Variants in NUSAP1 observed in about 807,000 individuals in gnomAD.
The protein encoded by NUSAP1 is nucleolar and spindle-associated protein 1.
NUSAP1 carries 32 observed loss-of-function variants against 52.8 expected under a neutral mutation model. That is an observed-to-expected ratio of 0.61 (90% CI 0.46 to 0.81). The LOEUF is 0.81. Ranked by LOEUF, NUSAP1 falls within the 40% of genes least tolerant of loss-of-function variation. The probability of loss-of-function intolerance (pLI) is 0.00; values close to 1 mark genes in which losing one functional copy is unlikely to be tolerated. For synonymous variants in NUSAP1, 195 were observed against 183.1 expected, an observed-to-expected ratio of 1.06 and a Z score of -0.52; for missense variants, 499 against 522.3, an observed-to-expected ratio of 0.96 and a Z score of 0.43.
At chr15:41,372,186 A>T (rs1467336274) in intron 8 of NUSAP1, among the ~76,000 whole-genome samples, 2 of 152,180 alleles carry the variant, frequency 1.3e-5, no homozygotes, top group Non-Finnish European at 2.9e-5. Context: ...AAAACCAGAT[A>T]TCTGCCTGAG....
At chr15:41,342,133 A>G (rs1197714622) in intron 1 of NUSAP1, among the ~76,000 whole-genome samples, 1 of 152,094 alleles carries the variant, frequency 6.6e-6, no homozygotes, top group Non-Finnish European at 1.5e-5. Flanking sequence ...ATGCCTACCT[A>G]TGTTCTCATG....
At chr15:41,364,648 A>G (rs966666013) in intron 6 of NUSAP1, among the ~76,000 whole-genome samples, 4 of 151,872 alleles carry the variant, frequency 2.6e-5, no homozygotes, top group African/African-American at 9.7e-5. Flanking sequence ...CAGGCAGATC[A>G]CTTGAGGTCA....
At chr15:41,377,343 T>C (rs1480898862) in intron 10 of NUSAP1, 39 bp downstream of exon 10, 8 of 1,151,164 alleles carry the variant, frequency 6.9e-6, no homozygotes, top group Non-Finnish European at 9.9e-6. Flanking sequence ...TTATTTTAAT[T>C]TCAAAAGCAG....
chr15:41,380,576 G>C lies in NUSAP1; in HGVS notation c.*390G>C, dbSNP rs1173804795. 6.0e-6 allele frequency: 1 copy of C among 168,062 alleles called. No homozygotes were observed. The highest frequency in any genetic ancestry group is 1.3e-5 in the Non-Finnish European group (1 of 78,214). 10.4% of individuals were successfully genotyped at this position (168,062 alleles called of 1,614,324 possible). ...AGTTATGCAAGCTTCAGGAGAATTT[G>C]AACAATAACAAGAATAGGGTAAGCT... is the stretch of plus-strand genomic sequence containing the variant. On this transcript the variant is annotated 3_prime_UTR_variant, in exon 11 of 11. Coordinates refer to ENST00000559596, the MANE Select transcript of NUSAP1 (RefSeq NM_016359.5).
rs190714260 is a variant in NUSAP1, at chr15:41,354,400, G to A, written c.449-1639G>A. Among the ~76,000 whole-genome samples the A allele has an allele frequency of 1.8e-3, 274 of 152,164 alleles. 2 individuals are homozygous for A. Among genetic ancestry groups the A allele is most frequent in the Middle Eastern group, 0.017 (5 of 294 alleles). ...CACACTTGTAATCCCAGCTACTTAG[G>A]AGGCTGAGACAGGAGAATCTCTTGA... On this transcript the variant is annotated intron_variant, in intron 4 of 10. Transcript: ENST00000559596.
At chr15:41,380,018 A>C in intron 10 of NUSAP1, 75 bp from the exon 11 acceptor site, 5 of 1,029,998 alleles carry the variant, frequency 4.9e-6, no homozygotes, top group Non-Finnish European at 5.8e-6. Context: ...TTTGGGTGTT[A>C]GTCCAACAAT....
intron 6 of NUSAP1, among the ~76,000 whole-genome samples, chr15:41,363,179 C>T (rs1387856750): frequency 1.3e-5 from 2 of 151,088 alleles, no homozygotes; most frequent in Non-Finnish European, 2.9e-5. Context: ...CCCAGCTGCT[C>T]TGGGTGCTGA....
intron 3 of NUSAP1, 37 bp from the exon 4 acceptor site, chr15:41,350,951 A>G: frequency 6.5e-7 from 1 of 1,549,432 alleles, no homozygotes; most frequent in Non-Finnish European, 8.8e-7. Flanking sequence ...ATTCTTATTT[A>G]TCATCGAAAT....
intron 1 of NUSAP1, among the ~76,000 whole-genome samples, chr15:41,339,515 A>T (rs2048300355): frequency 6.6e-6 from 1 of 151,826 alleles, no homozygotes; most frequent in Non-Finnish European, 1.5e-5. Context: ...GATTCAAGCA[A>T]TTCTCTTGCC....
intron 8 of NUSAP1, 21 bp from the exon 9 acceptor site, chr15:41,375,691 G>T (rs1490940334): frequency 6.8e-7 from 1 of 1,478,184 alleles, no homozygotes; most frequent in Non-Finnish European, 9.5e-7. Context: ...AAGCTCTTGG[G>T]TTTTTTCGGT....
chr15:41,348,801 G>T (rs927380670), intron 2 of NUSAP1, among the ~76,000 whole-genome samples: 22 of 151,788 alleles, frequency 1.4e-4, no homozygotes, highest in African/African-American at 5.1e-4. Context: ...ACCATGCCCG[G>T]GTAATTTTCT....
In NUSAP1 at chr15:41,359,545, A is replaced by C. The variant is rs377227368; in HGVS notation, c.660+1287A>C. Among the ~76,000 whole-genome samples, 6 of 152,164 alleles carry C rather than the reference A, an allele frequency of 3.9e-5. No homozygotes were observed. The East Asian group carries it at 5.8e-4, about 15-fold the overall frequency. On this transcript the variant is annotated intron_variant, in intron 6 of 10. Transcript: ENST00000559596. ...TAAATTGTAAATAATTTAAGTACTT[A>C]AGCTTCTTGGTGAGAAGCTTAATTG...
At position 41,380,392 on chromosome 15, in the gene NUSAP1, T is replaced by G. The variant is rs896337844; in HGVS notation, c.*206T>G. On this transcript the variant is annotated 3_prime_UTR_variant, in exon 11 of 11. Transcript: ENST00000559596. ...AAAGCTCAAATTCTTTGGGATGGTT[T>G]TTACTTAAGTCCATTAACAATTCAG... The G allele has an allele frequency of 1.5e-5, 6 of 401,800 alleles. No homozygotes were observed. The highest frequency in any genetic ancestry group is 8.3e-5 in the African/African-American group (4 of 48,304). 24.9% of individuals were successfully genotyped at this position (401,800 alleles called of 1,614,324 possible).
At position 41,365,451 on chromosome 15, in the gene NUSAP1, G is replaced by A; in HGVS notation, c.710G>A (p.Gly237Glu). 1 of 1,613,064 alleles carries A rather than the reference G, an allele frequency of 6.2e-7. No individual in the cohort carries two copies. Among genetic ancestry groups the A allele is most frequent in the Non-Finnish European group, 8.5e-7 (1 of 1,179,486 alleles). The change falls in exon 7 of 11, where the codon GGA becomes GAA. Residue 237 changes from glycine (G) to glutamate (E), a missense_variant. By Grantham distance (98) the Gly-to-Glu change is moderately conservative (BLOSUM62 -2). Coordinates refer to ENST00000559596, the MANE Select transcript of NUSAP1 (RefSeq NM_016359.5). ...GTCAGGACTCCAGTACCTCCAAGAG[G>A]AAGACTCTCTGTGGCTTCTACTCCC... is the stretch of plus-strand genomic sequence containing the variant. ...GGVRTPVPPR[G>E]RLSVASTPIS...
chr15:41,377,549 A>C (rs2049998890), intron 10 of NUSAP1, among the ~76,000 whole-genome samples: 1 of 151,476 alleles, frequency 6.6e-6, no homozygotes, highest in Non-Finnish European at 1.5e-5. Context: ...AATACAAAAA[A>C]TTAGCTGGGC....
intron 1 of NUSAP1, among the ~76,000 whole-genome samples, chr15:41,337,931 C>CTTTTTTTTTT (rs757341496): frequency 8.1e-5 from 9 of 110,932 alleles, no homozygotes; most frequent in African/African-American, 1.8e-4. Context: ...TTTCTTTTTT[C>CTTTTTTTTTT]TTTTTTTTTT....
intron 8 of NUSAP1, 50 bp from the exon 9 acceptor site, chr15:41,375,662 C>A: frequency 8.8e-7 from 1 of 1,130,540 alleles, no homozygotes; most frequent in Non-Finnish European, 1.4e-6. Context: ...AACACTTTAC[C>A]AGGTCTTTGT....
At chr15:41,362,654 T>C (rs907491330) in intron 6 of NUSAP1, among the ~76,000 whole-genome samples, 2 of 151,828 alleles carry the variant, frequency 1.3e-5, no homozygotes, top group African/African-American at 4.8e-5. Flanking sequence ...ATGGTCTGAA[T>C]CTCCTGACCT....
intron 7 of NUSAP1, among the ~76,000 whole-genome samples, chr15:41,368,728 C>CTTTGTTTTTTTTT (rs2049525165): frequency 1.3e-5 from 1 of 77,942 alleles, no homozygotes; most frequent in South Asian, 4.5e-4. Context: ...TTATTTTATT[C>CTTTGTTTTTTTTT]TTTTTTTTTT....
Sources: allele counts gnomAD v4.1 joint callset (sites outside exome capture counted in the v4.1 genomes callset), GRCh38; gene constraint gnomAD v4.1.1; transcripts MANE v1.5; gene names NCBI Gene and HGNC (gene_info 2026-07-23, HGNC 2026-07-21).